CDH12: variants seen among roughly 807,000 people sequenced by gnomAD.
CDH12 encodes the protein cadherin 12, also known as cadherin-12.
In CDH12, 41 loss-of-function variants were observed where a neutral mutation model predicts 74.1. That is an observed-to-expected ratio of 0.55 (90% confidence interval 0.43 to 0.72). The LOEUF (loss-of-function observed/expected upper bound fraction) is 0.72, where lower values mean the gene tolerates loss of function less well. CDH12 is among the 30% of genes least tolerant of loss of function. The pLI, the probability that CDH12 is intolerant of heterozygous loss-of-function variation, is 0.00. For missense variants in CDH12, 945 were observed against 977.2 expected, an observed-to-expected ratio of 0.97 and a Z score of 0.44; for synonymous variants, 399 against 355.0, an observed-to-expected ratio of 1.12 and a Z score of -1.39.
At chr5:21,785,526 C>T (rs1465460922) in intron 10 of CDH12, among the ~76,000 whole-genome samples, 1 of 152,220 alleles carries the variant, frequency 6.6e-6, no homozygotes, top group African/African-American at 2.4e-5. Context: ...GAAAGTGCTA[C>T]TCCAGTGAAG....
At chr5:21,964,867 G>C (rs922548127) in intron 6 of CDH12, among the ~76,000 whole-genome samples, 1 of 151,988 alleles carries the variant, frequency 6.6e-6, no homozygotes, top group African/African-American at 2.4e-5. Context: ...CTTAGGTATA[G>C]ACTAGACTAT....
At chr5:22,038,655 G>A (rs1739348937) in intron 5 of CDH12, among the ~76,000 whole-genome samples, 1 of 152,174 alleles carries the variant, frequency 6.6e-6, no homozygotes, top group Non-Finnish European at 1.5e-5. Context: ...CTAAGTTGAA[G>A]CAATATTCTG....
intron 4 of CDH12, among the ~76,000 whole-genome samples, chr5:22,108,303 C>T (rs1264811910): frequency 6.6e-6 from 1 of 152,214 alleles, no homozygotes; most frequent in East Asian, 1.9e-4. Flanking sequence ...ACTGTGAGGA[C>T]TCCCCAGCTA....
At chr5:22,691,062 A>G (rs1167079891) in intron 1 of CDH12, among the ~76,000 whole-genome samples, 1 of 152,180 alleles carries the variant, frequency 6.6e-6, no homozygotes, top group East Asian at 1.9e-4. Context: ...TTTTTTAAAA[A>G]TATTTTTTTC....
At chr5:21,752,624 A>G (rs1744161405) in intron 14 of CDH12, among the ~76,000 whole-genome samples, 1 of 152,178 alleles carries the variant, frequency 6.6e-6, no homozygotes, top group Admixed American at 6.5e-5. Context: ...TAACTTCCCA[A>G]TTGGAACATT....
chr5:22,514,611 G>A (rs770028213), intron 1 of CDH12, among the ~76,000 whole-genome samples: 2 of 152,130 alleles, frequency 1.3e-5, no homozygotes, highest in South Asian at 4.1e-4. Context: ...GAGGATGTAT[G>A]GCCTGGCAGG....
chr5:22,206,824 AG>A (rs1273378314), intron 4 of CDH12, among the ~76,000 whole-genome samples: 1 of 151,530 alleles, frequency 6.6e-6, no homozygotes, highest in East Asian at 1.9e-4. Flanking sequence ...TAAATACCAT[AG>A]AAAAATATGG....
At chr5:21,940,689 T>G (rs574349745) in intron 6 of CDH12, among the ~76,000 whole-genome samples, 131 of 152,320 alleles carry the variant, frequency 8.6e-4, no homozygotes, top group Admixed American at 1.5e-3. Context: ...ATAAATCTGA[T>G]TATACACAAT....
chr5:22,193,102 G>A (rs1750402179), intron 4 of CDH12, among the ~76,000 whole-genome samples: 1 of 152,166 alleles, frequency 6.6e-6, no homozygotes, highest in Admixed American at 6.5e-5. Flanking sequence ...TTTAACAAAT[G>A]TATTTTAGCT....
intron 1 of CDH12, among the ~76,000 whole-genome samples, chr5:22,527,521 G>A (rs1297336830): frequency 6.6e-6 from 1 of 152,138 alleles, no homozygotes; most frequent in Non-Finnish European, 1.5e-5. Context: ...ACTGCTTTGA[G>A]TGTGCTGCCC....
chr5:22,168,155 G>T (rs1416144039), intron 4 of CDH12, among the ~76,000 whole-genome samples: 2 of 152,046 alleles, frequency 1.3e-5, no homozygotes, highest in Non-Finnish European at 2.9e-5. Flanking sequence ...TGTCCTAGCT[G>T]AGCATGCCTC....
intron 5 of CDH12, among the ~76,000 whole-genome samples, chr5:22,034,808 T>G (rs2150176971): frequency 6.6e-6 from 1 of 152,322 alleles, no homozygotes; most frequent in African/African-American, 2.4e-5. Context: ...TTATTAAAAC[T>G]ATATGGGAGT....
intron 2 of CDH12, among the ~76,000 whole-genome samples, chr5:22,446,757 G>A (rs754477203): frequency 2.0e-5 from 3 of 152,034 alleles, no homozygotes; most frequent in Non-Finnish European, 4.4e-5. Context: ...TTGTACTCAA[G>A]TTATGACCAT....
At chr5:21,814,179 GTGTGTGTTT>G (rs1747914526) in intron 9 of CDH12, among the ~76,000 whole-genome samples, 2 of 101,074 alleles carry the variant, frequency 2.0e-5, no homozygotes, top group African/African-American at 6.4e-5. Flanking sequence ...GTGTGTGTGT[GTGTGTGTTT>G]TATTTGCAGA....
intron 3 of CDH12, among the ~76,000 whole-genome samples, chr5:22,375,673 C>A (rs2126361213): frequency 6.6e-6 from 1 of 152,000 alleles, no homozygotes; most frequent in South Asian, 2.1e-4. Flanking sequence ...ATACAAATGG[C>A]TGATAAGTAT....
At chr5:22,374,343 A>T (rs1741431414) in intron 3 of CDH12, among the ~76,000 whole-genome samples, 1 of 152,202 alleles carries the variant, frequency 6.6e-6, no homozygotes, top group African/African-American at 2.4e-5. Context: ...ACAAACACAC[A>T]GCTATAATTA....
At chr5:21,766,432 C>T (rs1745028531) in intron 11 of CDH12, among the ~76,000 whole-genome samples, 1 of 151,934 alleles carries the variant, frequency 6.6e-6, no homozygotes, top group African/African-American at 2.4e-5. Flanking sequence ...TCACAAGCCA[C>T]TATCTTATTT....
chr5:22,107,290 C>T (rs985513475), intron 4 of CDH12, among the ~76,000 whole-genome samples: 2 of 145,272 alleles, frequency 1.4e-5, no homozygotes, highest in African/African-American at 2.5e-5. Context: ...CACCACCATG[C>T]CTGGCTAATT....
chr5:22,555,021 A>G (rs917372676), intron 1 of CDH12, among the ~76,000 whole-genome samples: 2 of 152,118 alleles, frequency 1.3e-5, no homozygotes, highest in Non-Finnish European at 2.9e-5. Context: ...TTAAAAATAT[A>G]TCATATGGCT....
Sources: allele counts gnomAD v4.1 joint callset (sites outside exome capture counted in the v4.1 genomes callset), GRCh38; gene constraint gnomAD v4.1.1; transcripts MANE v1.5; gene names NCBI Gene and HGNC (gene_info 2026-07-23, HGNC 2026-07-21).